The following ST18 variants were observed in gnomAD, a reference collection of about 807,000 sequenced individuals.
ST18 encodes suppression of tumorigenicity 18 protein.
ST18 carries 50 observed loss-of-function variants against 110.0 expected under a neutral mutation model. The ratio of observed to expected loss-of-function variants is 0.45; its 90% confidence interval spans 0.36 to 0.58. The LOEUF (loss-of-function observed/expected upper bound fraction) is 0.58, where lower values mean the gene tolerates loss of function less well. ST18 is among the 20% of genes least tolerant of loss of function. The pLI is 0.00. For missense variants in ST18, 1,306 were observed against 1,280.1 expected (o/e 1.02, Z -0.31); for synonymous variants, 461 against 452.4 (o/e 1.02, Z -0.24).
intron 2 of ST18, among the ~76,000 whole-genome samples, chr8:52,264,972 A>AC (rs1266760832): frequency 6.6e-6 from 1 of 152,270 alleles, no homozygotes; most frequent in Non-Finnish European, 1.5e-5. Context: ...GAGACAAAGT[A>AC]CCTGCTACCA....
chr8:52,139,343 T>C (rs13277809), intron 17 of ST18, among the ~76,000 whole-genome samples: 2,040 of 137,020 alleles, frequency 0.015, 12 homozygotes, highest in Middle Eastern at 0.025. Context: ...TATATATATA[T>C]ACACACAATT....
At chr8:52,166,297 A>G (rs568926205) in intron 11 of ST18, among the ~76,000 whole-genome samples, 10 of 152,310 alleles carry the variant, frequency 6.6e-5, no homozygotes, top group African/African-American at 2.4e-4. Flanking sequence ...ACTTTCCCAC[A>G]AGCACACTTT....
chr8:52,388,932 T>A (rs934164478), intron 2 of ST18, among the ~76,000 whole-genome samples: 1 of 149,922 alleles, frequency 6.7e-6, no homozygotes, highest in Non-Finnish European at 1.5e-5. Context: ...AACCTGCACA[T>A]TGTGCACATG....
intron 2 of ST18, among the ~76,000 whole-genome samples, chr8:52,314,724 C>T (rs1049443909): frequency 3.9e-5 from 6 of 152,234 alleles, no homozygotes; most frequent in African/African-American, 1.4e-4. Context: ...AGAACCCTCC[C>T]TGGCCCCAAC....
chr8:52,344,377 T>A (rs1816670997), intron 2 of ST18, among the ~76,000 whole-genome samples: 1 of 149,834 alleles, frequency 6.7e-6, no homozygotes, highest in South Asian at 2.1e-4. Flanking sequence ...ATGCAGTAAA[T>A]CTGATTAAAG....
chr8:52,151,042 A>C (rs1419203485), intron 15 of ST18: 1 of 152,208 alleles, frequency 6.6e-6, no homozygotes, highest in African/African-American at 2.4e-5. Context: ...GCCATCATCC[A>C]TCAATTTAAA....
intron 2 of ST18, among the ~76,000 whole-genome samples, chr8:52,242,400 CA>C (rs2093493704): frequency 6.6e-6 from 1 of 152,224 alleles, no homozygotes; most frequent in Non-Finnish European, 1.5e-5. Context: ...AGGCTCTGAC[CA>C]AGCAGCCCCG....
intron 2 of ST18, among the ~76,000 whole-genome samples, chr8:52,263,464 A>G (rs1367240911): frequency 6.6e-6 from 1 of 152,228 alleles, no homozygotes; most frequent in African/African-American, 2.4e-5. Flanking sequence ...GAGGACATCA[A>G]TTCTATCTAT....
intron 2 of ST18, among the ~76,000 whole-genome samples, chr8:52,392,693 G>C (rs931072908): frequency 3.9e-5 from 6 of 152,230 alleles, no homozygotes; most frequent in Non-Finnish European, 8.8e-5. Flanking sequence ...AGAGCAGACA[G>C]CTGAAGAGCA....
At chr8:52,336,695 G>T (rs537170191) in intron 2 of ST18, among the ~76,000 whole-genome samples, 1 of 152,196 alleles carries the variant, frequency 6.6e-6, no homozygotes, top group Non-Finnish European at 1.5e-5. Flanking sequence ...GTGACGTCTT[G>T]CTTCCTAGCT....
chr8:52,377,506 C>T (rs1421869296), intron 2 of ST18, among the ~76,000 whole-genome samples: 2 of 152,162 alleles, frequency 1.3e-5, no homozygotes, highest in East Asian at 1.9e-4. Context: ...AAAAAATGCT[C>T]AGCATCACTA....
rs183339236 is a variant in ST18 at position 52,284,739 on chromosome 8, A to G, written c.-464-54662T>C. Among the ~76,000 whole-genome samples the G allele has an allele frequency of 5.3e-5, 8 of 152,306 alleles. No homozygotes were observed. The East Asian group carries it at 1.5e-3, about 29-fold the overall frequency. ...CCAGAGCTTCGAGAACTGAGAAGGA[A>G]TGGGAAATTGAAATGGACTAGGAAA... On this transcript the variant is annotated intron_variant, in intron 2 of 25. Coordinates refer to ENST00000689386, the MANE Select transcript of ST18 (RefSeq NM_001352837.2).
intron 2 of ST18, among the ~76,000 whole-genome samples, chr8:52,269,689 A>G (rs889804504): frequency 6.6e-6 from 1 of 152,114 alleles, no homozygotes; most frequent in South Asian, 2.1e-4. Context: ...TGCACTGCCA[A>G]TTTCACGGTG....
At chr8:52,201,492 G>T (rs535820364) in intron 8 of ST18, 1 of 152,314 alleles carries the variant, frequency 6.6e-6, no homozygotes, top group South Asian at 2.1e-4. Flanking sequence ...CCCTGATTTG[G>T]CAGGAGTCCC....
intron 15 of ST18, chr8:52,150,902 A>T (rs2058654968): frequency 6.6e-6 from 1 of 152,176 alleles, no homozygotes; most frequent in South Asian, 2.1e-4. Flanking sequence ...GTTCTACAAG[A>T]TTCGCACACT....
In ST18 at chr8:52,171,786, T is replaced by A; in HGVS notation, c.1069+6A>T. 2 of 1,609,316 alleles carry A rather than the reference T, an allele frequency of 1.2e-6. No individual in the cohort carries two copies. The highest frequency in any genetic ancestry group is 1.7e-6 in the Non-Finnish European group (2 of 1,177,084). On this transcript the variant is annotated splice_donor_region_variant and intron_variant, in intron 10 of 25. Transcript: ENST00000689386. ...TTCCTAAAATAAATGCAAAAATGTGTCTTACGTTTATTGTTAAAGATTTGT... is the reference window on the plus strand; with the variant it reads ...TTCCTAAAATAAATGCAAAAATGTGACTTACGTTTATTGTTAAAGATTTGT...
At chr8:52,388,857 C>T (rs7004370) in intron 2 of ST18, among the ~76,000 whole-genome samples, 2 of 135,946 alleles carry the variant, frequency 1.5e-5, no homozygotes, top group Non-Finnish European at 3.1e-5. Context: ...GGAGATATAC[C>T]TAATGCTAAA....
intron 14 of ST18, among the ~76,000 whole-genome samples, chr8:52,159,712 A>G (rs2060934144): frequency 6.6e-6 from 1 of 152,184 alleles, no homozygotes; most frequent in South Asian, 2.1e-4. Flanking sequence ...ATTTTGGCAT[A>G]TTTAGGGAGA....
In ST18 at chr8:52,295,913, G is replaced by A. The variant is rs955916967; in HGVS notation, c.-464-65836C>T. Reference sequence around the variant, plus strand: ...GTCCCATCTGACTTCCGCAGAGTTCGAGGGAGCTTAGGACAAACAGAACAG... The same window carrying A: ...GTCCCATCTGACTTCCGCAGAGTTCAAGGGAGCTTAGGACAAACAGAACAG... On this transcript the variant is annotated intron_variant, in intron 2 of 25. Transcript: ENST00000689386. Among the ~76,000 whole-genome samples the A allele has an allele frequency of 4.0e-5, 6 of 151,886 alleles. No individual in the cohort carries two copies. The East Asian group carries it at 7.7e-4, about 20-fold the overall frequency.
Sources: allele counts gnomAD v4.1 joint callset (sites outside exome capture counted in the v4.1 genomes callset), GRCh38; gene constraint gnomAD v4.1.1; transcripts MANE v1.5; gene names NCBI Gene and HGNC (gene_info 2026-07-23, HGNC 2026-07-21).